Variants in SLC25A48 observed in about 807,000 individuals in gnomAD.
The protein encoded by SLC25A48 is solute carrier family 25 member 48.
Under a neutral mutation model 32.2 loss-of-function variants are expected in SLC25A48, and 29 were observed. The observed-to-expected ratio is 0.90, with a 90% CI of 0.67 to 1.23. The LOEUF (loss-of-function observed/expected upper bound fraction) is 1.23. Ranked by LOEUF, SLC25A48 falls within the 50% of genes most tolerant of loss-of-function variation. The pLI, the probability that SLC25A48 is intolerant of heterozygous loss-of-function variation, is 0.00. For missense variants in SLC25A48, 399 were observed against 422.7 expected, an observed-to-expected ratio of 0.94 and a Z score of 0.49; for synonymous variants, 164 against 172.3, an observed-to-expected ratio of 0.95 and a Z score of 0.38.
intron 4 of SLC25A48, among the ~76,000 whole-genome samples, chr5:135,868,880 G>A (rs1761427600): frequency 6.6e-6 from 1 of 152,126 alleles, no homozygotes; most frequent in Non-Finnish European, 1.5e-5. Context: ...CATACCCATA[G>A]CTGATTCATG....
chr5:135,871,231 T>G (rs1014064170), intron 4 of SLC25A48, among the ~76,000 whole-genome samples: 1 of 152,164 alleles, frequency 6.6e-6, no homozygotes, highest in East Asian at 1.9e-4. Flanking sequence ...AAGTAACTGG[T>G]GTTCTATCAC....
chr5:135,712,158 T>G (rs899452187), intron 3 of SLC25A48, among the ~76,000 whole-genome samples: 2 of 152,202 alleles, frequency 1.3e-5, no homozygotes, highest in African/African-American at 2.4e-5. Context: ...ACCCTACTGT[T>G]TTTGTGAAAA....
At chr5:135,871,054 TACACAGACAC>T (rs1761596047) in intron 4 of SLC25A48, among the ~76,000 whole-genome samples, 1 of 127,034 alleles carries the variant, frequency 7.9e-6, no homozygotes, top group Non-Finnish European at 1.6e-5. Context: ...AATAAATGTG[TACACAGACAC>T]ACACACACAC....
At chr5:135,766,768 T>C (rs1282846973) in intron 3 of SLC25A48, among the ~76,000 whole-genome samples, 2 of 151,660 alleles carry the variant, frequency 1.3e-5, no homozygotes, top group Admixed American at 6.6e-5. Context: ...TGTGATATGG[T>C]TCATAATATA....
intron 3 of SLC25A48, among the ~76,000 whole-genome samples, chr5:135,753,781 T>C (rs1755829078): frequency 6.6e-6 from 1 of 151,798 alleles, no homozygotes; most frequent in Non-Finnish European, 1.5e-5. Context: ...CACCCTGTAA[T>C]ATTAGCAGTG....
chr5:135,628,503 G>T (rs1459429265), intron 1 of SLC25A48, among the ~76,000 whole-genome samples: 3 of 152,140 alleles, frequency 2.0e-5, no homozygotes, highest in Non-Finnish European at 4.4e-5. Context: ...ACAGAAGACG[G>T]GTGACATCAA....
chr5:135,661,993 C>A (rs1753410303), intron 3 of SLC25A48, among the ~76,000 whole-genome samples: 1 of 152,148 alleles, frequency 6.6e-6, no homozygotes. Flanking sequence ...AATGCATATT[C>A]ATTTTTGATA....
intron 3 of SLC25A48, among the ~76,000 whole-genome samples, chr5:135,685,727 G>T (rs1754008360): frequency 6.6e-6 from 1 of 152,194 alleles, no homozygotes; most frequent in South Asian, 2.1e-4. Flanking sequence ...CCCAGCCTAT[G>T]TAAGGACCTT....
chr5:135,806,490 T>C (rs540499960), intron 3 of SLC25A48, among the ~76,000 whole-genome samples: 1 of 151,500 alleles, frequency 6.6e-6, no homozygotes, highest in East Asian at 1.9e-4. Flanking sequence ...ATCAAAGATA[T>C]TTTATTAATA....
At chr5:135,842,381 G>A (rs749168328) in intron 1 of SLC25A48, 35 bp from the exon 2 acceptor site, 3 of 1,612,028 alleles carry the variant, frequency 1.9e-6, no homozygotes, top group Admixed American at 3.3e-5. Context: ...GGAGTCCAAG[G>A]GCTGAGTTAC....
At chr5:135,746,014 C>T (rs1156847077) in intron 3 of SLC25A48, among the ~76,000 whole-genome samples, 2 of 152,114 alleles carry the variant, frequency 1.3e-5, no homozygotes, top group African/African-American at 2.4e-5. Flanking sequence ...GGCCTCCATC[C>T]GTGCCACATC....
At chr5:135,735,814 A>ATATAT (rs1018757827) in intron 3 of SLC25A48, among the ~76,000 whole-genome samples, 1 of 152,156 alleles carries the variant, frequency 6.6e-6, no homozygotes, top group African/African-American at 2.4e-5. Context: ...GAATTCCTGT[A>ATATAT]TATATTCAGT....
intron 3 of SLC25A48, among the ~76,000 whole-genome samples, chr5:135,753,204 A>G (rs867118751): frequency 1.3e-5 from 2 of 151,968 alleles, no homozygotes; most frequent in Non-Finnish European, 2.9e-5. Flanking sequence ...TATGCATAAT[A>G]TGTGTACACC....
intron 3 of SLC25A48, among the ~76,000 whole-genome samples, chr5:135,695,231 C>G (rs907611971): frequency 6.6e-6 from 1 of 152,210 alleles, no homozygotes; most frequent in African/African-American, 2.4e-5. Context: ...GAGGTAGTGG[C>G]CTTCCCTTCC....
chr5:135,736,021 C>T (rs187382752), intron 3 of SLC25A48, among the ~76,000 whole-genome samples: 155 of 152,022 alleles, frequency 1.0e-3, no homozygotes, highest in African/African-American at 2.5e-3. Flanking sequence ...GGTGGAGGAG[C>T]GGAGGCTGAG....
At chr5:135,883,597 C>T (rs774559232) in intron 7 of SLC25A48, 127 of 582,818 alleles carry the variant, frequency 2.2e-4, no homozygotes, top group Non-Finnish European at 2.6e-4. Flanking sequence ...GAAACTGAGC[C>T]GGGGCAGCCT....
At chr5:135,741,790 A>G (rs964911695) in intron 3 of SLC25A48, among the ~76,000 whole-genome samples, 3 of 152,220 alleles carry the variant, frequency 2.0e-5, no homozygotes, top group Admixed American at 6.5e-5. Flanking sequence ...TTCACAGGCC[A>G]TAAAATCAGG....
chr5:135,591,292 G>A (rs1169584020), intron 1 of SLC25A48, among the ~76,000 whole-genome samples: 1 of 152,238 alleles, frequency 6.6e-6, no homozygotes, highest in East Asian at 1.9e-4. Flanking sequence ...GAGCAGAGAA[G>A]GGACTTACTC....
In SLC25A48 at chr5:135,843,987, G is replaced by A. The variant is rs564467072; in HGVS notation, c.90+1528G>A. Among the ~76,000 whole-genome samples, 14 of 152,268 alleles carry A rather than the reference G, an allele frequency of 9.2e-5. No individual in the cohort carries two copies. The South Asian group carries it at 1.7e-3, about 18-fold the overall frequency. ...TGAAGTGGACTTACTAGCATATCAC[G>A]GCTGAGCCATTGCTGCCCAGAGTTA... On this transcript the variant is annotated intron_variant, in intron 2 of 7. Coordinates refer to ENST00000681962, the MANE Select transcript of SLC25A48 (RefSeq NM_001349336.2).
Sources: allele counts gnomAD v4.1 joint callset (sites outside exome capture counted in the v4.1 genomes callset), GRCh38; gene constraint gnomAD v4.1.1; transcripts MANE v1.5; gene names NCBI Gene and HGNC (gene_info 2026-07-23, HGNC 2026-07-21).